Variants in SMURF2 observed in about 807,000 individuals in gnomAD.
The protein encoded by SMURF2 is SMAD specific E3 ubiquitin protein ligase 2, also known as E3 ubiquitin-protein ligase SMURF2.
SMURF2 carries 48 observed loss-of-function variants against 109.6 expected under a neutral mutation model. That is an observed-to-expected ratio of 0.44 (90% CI 0.35 to 0.56). The LOEUF (loss-of-function observed/expected upper bound fraction) is 0.56. SMURF2 is among the 20% of genes least tolerant of loss of function. SMURF2 has a pLI of 0.01. For missense variants in SMURF2, 575 were observed against 909.0 expected (o/e 0.63, Z 4.72); for synonymous variants, 288 against 317.1 (o/e 0.91, Z 0.97).
intron 1 of SMURF2, among the ~76,000 whole-genome samples, chr17:64,616,122 AC>A (rs1321455533): frequency 1.3e-5 from 2 of 152,014 alleles, no homozygotes; most frequent in Non-Finnish European, 2.9e-5. Flanking sequence ...CAGCCACCAC[AC>A]CCGGCTTAGA....
In SMURF2 at chr17:64,561,646, T is replaced by C. The variant is rs547212251; in HGVS notation, c.1213-43A>G. The C allele has an allele frequency of 3.5e-6, 5 of 1,417,960 alleles. No homozygotes were observed. The East Asian group carries it at 1.2e-4, about 33-fold the overall frequency. 87.8% of individuals were successfully genotyped at this position (1,417,960 alleles called of 1,614,324 possible). On this transcript the variant is annotated intron_variant, in intron 11 of 18. Coordinates refer to ENST00000262435, the MANE Select transcript of SMURF2 (RefSeq NM_022739.4). ...TAATACCCTATTACTATTAGGTCCT[T>C]TTAGCCTATTACTTAATCTCTCCCT...
In SMURF2 at chr17:64,606,631, G is replaced by A; in HGVS notation, c.62C>T (p.Ala21Val). 6.5e-7 allele frequency: 1 copy of A among 1,539,768 alleles called. No homozygotes were observed. The highest frequency in any genetic ancestry group is 2.0e-5 in the Admixed American group (1 of 49,848). Reference sequence around the variant, plus strand: ...AAAATCCTTTTTCACCAGGTTTTTTGCACAGAGTACTGTAAAAAAAAAAAA... The same window carrying A: ...AAAATCCTTTTTCACCAGGTTTTTTACACAGAGTACTGTAAAAAAAAAAAA... ...PVKLRLTVLC[A>V]KNLVKKDFFR... is the part of the protein sequence containing the mutation. The change falls in exon 2 of 19, where the codon GCA (alanine) becomes GTA (valine). Residue 21 changes from alanine (A) to valine (V), a missense_variant. Transcript: ENST00000262435.
intron 15 of SMURF2, among the ~76,000 whole-genome samples, chr17:64,553,889 A>G (rs1236867194): frequency 3.9e-5 from 6 of 152,182 alleles, no homozygotes; most frequent in African/African-American, 1.2e-4. Context: ...TTTTAGTAAG[A>G]TTTGGGAACA....
chr17:64,582,756 G>A (rs537075035), intron 7 of SMURF2, among the ~76,000 whole-genome samples: 2 of 151,712 alleles, frequency 1.3e-5, no homozygotes, highest in East Asian at 1.9e-4. Context: ...CCACCACCAC[G>A]TCCAGCTAAT....
At chr17:64,639,175 T>G (rs534053758) in intron 1 of SMURF2, among the ~76,000 whole-genome samples, 1 of 152,372 alleles carries the variant, frequency 6.6e-6, no homozygotes, top group South Asian at 2.1e-4. Context: ...ACTTATAATA[T>G]TTATGAATTT....
intron 9 of SMURF2, among the ~76,000 whole-genome samples, chr17:64,577,586 T>TA (rs530564573): frequency 0.11 from 14,207 of 132,258 alleles, 1,068 homozygotes; most frequent in African/African-American, 0.22. Flanking sequence ...AATAAAACAC[T>TA]AAAAAAAAAA....
chr17:64,597,336 C>A (rs1456935937), intron 3 of SMURF2, among the ~76,000 whole-genome samples: 1 of 151,998 alleles, frequency 6.6e-6, no homozygotes, highest in Non-Finnish European at 1.5e-5. Context: ...TCAGTTGAGT[C>A]CAGGAGTTAG....
intron 1 of SMURF2, among the ~76,000 whole-genome samples, chr17:64,641,385 CA>C (rs1230401069): frequency 6.6e-6 from 1 of 152,148 alleles, no homozygotes; most frequent in Non-Finnish European, 1.5e-5. Flanking sequence ...CACCTGCTGC[CA>C]CTGCCACCAC....
At chr17:64,607,894 C>T (rs551755614) in intron 1 of SMURF2, among the ~76,000 whole-genome samples, 5 of 150,512 alleles carry the variant, frequency 3.3e-5, no homozygotes, top group African/African-American at 1.2e-4. Flanking sequence ...TCACTTGAAC[C>T]TGGGAGGTGG....
At chr17:64,601,726 A>T (rs1383738425) in intron 2 of SMURF2, among the ~76,000 whole-genome samples, 1 of 152,104 alleles carries the variant, frequency 6.6e-6, no homozygotes, top group East Asian at 1.9e-4. Flanking sequence ...AGAAGTCATT[A>T]TACGAAAAAG....
intron 2 of SMURF2, among the ~76,000 whole-genome samples, chr17:64,600,545 A>G (rs147986094): frequency 0.05 from 7,548 of 152,296 alleles, 295 homozygotes; most frequent in Admixed American, 0.13. Context: ...CAGTTCCCCA[A>G]TTCTATGATT....
chr17:64,631,282 GAGAGAGAGAGAGAGAGAGAGAGA>G (rs1970341348), intron 1 of SMURF2, among the ~76,000 whole-genome samples: 1 of 11,492 alleles, frequency 8.7e-5, no homozygotes, highest in African/African-American at 3.4e-4. Context: ...GGGGGGGGGG[GAGAGAGAGAGAGAGAGAGAGAGA>G]GAGAGAGAGA....
rs1016673782 is a variant in SMURF2, at chr17:64,583,664, C to A, written c.486-120G>T. 35 of 680,468 alleles carry A rather than the reference C, an allele frequency of 5.1e-5. No homozygotes were observed. The African/African-American group carries it at 5.8e-4, about 11-fold the overall frequency. 42.2% of individuals were successfully genotyped at this position (680,468 alleles called of 1,614,324 possible). Reference sequence around the variant, plus strand: ...AATGCCAACCCGAAGTATCAATTCACAGAATATATAATTTTTTCAACTTAT... The same window carrying A: ...AATGCCAACCCGAAGTATCAATTCAAAGAATATATAATTTTTTCAACTTAT... On this transcript the variant is annotated intron_variant, in intron 6 of 18. Coordinates refer to ENST00000262435, the MANE Select transcript of SMURF2 (RefSeq NM_022739.4).
chr17:64,648,056 CTT>C (rs1970582651), intron 1 of SMURF2, among the ~76,000 whole-genome samples: 1 of 50,290 alleles, frequency 2.0e-5, no homozygotes, highest in African/African-American at 8.9e-5. Flanking sequence ...GACCCTATCT[CTT>C]AAAAAAAAAA....
chr17:64,633,333 G>A (rs1970373940), intron 1 of SMURF2, among the ~76,000 whole-genome samples: 1 of 152,128 alleles, frequency 6.6e-6, no homozygotes. Flanking sequence ...CAGGTACTGG[G>A]AGTCAATCAG....
At position 64,628,422 on chromosome 17, in the gene SMURF2, G is replaced by A. The variant is rs147407847; in HGVS notation, c.53-21782C>T. ...AAATCTCCTTTTTGGTATTTGTTAT[G>A]GGGGTCTGTTAAGTAAAAGAGTCAA... On this transcript the variant is annotated intron_variant, in intron 1 of 18. Transcript: ENST00000262435. Among the ~76,000 whole-genome samples the A allele has an allele frequency of 3.9e-5, 6 of 152,232 alleles. No homozygotes were observed. In the East Asian group the frequency reaches 1.2e-3, roughly 29 times the overall value.
At chr17:64,566,420 A>G (rs1969301556) in intron 10 of SMURF2, among the ~76,000 whole-genome samples, 1 of 151,936 alleles carries the variant, frequency 6.6e-6, no homozygotes, top group African/African-American at 2.4e-5. Context: ...GTAATGTAAC[A>G]CGAATATAAA....
rs1555684672 is a variant in SMURF2, at chr17:64,562,960, C to T, written c.1023G>A (p.Gln341=). Residue 341 remains glutamine, a synonymous_variant, in exon 11 of 19, where the codon CAG becomes CAA. Coordinates refer to ENST00000262435, the MANE Select transcript of SMURF2 (RefSeq NM_022739.4). ...GTTGCTGTTGGTCTTTCAATTGGTT[C>T]TGCCGACTAGAAGTAAACATAGATG... The part of the protein sequence containing the change: ...SANLHLVLNR[Q]NQLKDQQQQQ... 5 of 1,612,136 alleles carry T rather than the reference C, an allele frequency of 3.1e-6. No individual in the cohort carries two copies. Among genetic ancestry groups the T allele is most frequent in the African/African-American group, 2.7e-5 (2 of 74,992 alleles).
intron 10 of SMURF2, among the ~76,000 whole-genome samples, chr17:64,564,233 T>C (rs1037766251): frequency 6.6e-6 from 1 of 152,200 alleles, no homozygotes; most frequent in Non-Finnish European, 1.5e-5. Context: ...TGCCCATCAG[T>C]AGATAAATGA....
Sources: gnomAD v4.1 joint callset for allele counts (sites outside exome capture counted in the v4.1 genomes callset) on GRCh38, gnomAD v4.1.1 for gene constraint, MANE v1.5 for transcripts, NCBI Gene and HGNC (gene_info 2026-07-23, HGNC 2026-07-21) for gene names.